Variants in CEP131 observed in about 807,000 individuals in gnomAD.
CEP131 encodes centrosomal protein of 131 kDa.
CEP131 carries 99 observed loss-of-function variants against 136.8 expected under a neutral mutation model. That is an observed-to-expected ratio of 0.72 (90% CI 0.62 to 0.86). CEP131 has a LOEUF of 0.86. CEP131 is among the 40% of genes least tolerant of loss of function. The probability of loss-of-function intolerance (pLI) is 0.00; values close to 1 mark genes in which losing one functional copy is unlikely to be tolerated. For missense variants in CEP131, 1,459 were observed against 1,463.0 expected (o/e 1.00, Z 0.04); for synonymous variants, 646 against 612.7 (o/e 1.05, Z -0.80).
At chr17:81,195,225 C>A (rs981429487) in intron 16 of CEP131, among the ~76,000 whole-genome samples, 5 of 152,240 alleles carry the variant, frequency 3.3e-5, no homozygotes, top group Non-Finnish European at 5.9e-5. Flanking sequence ...CCTGCAGAGG[C>A]CTTGCCCCAG....
Position 81,191,252 on chromosome 17 carries a change from G to A in CEP131, c.2706C>T (p.His902=). 1 of 1,613,498 alleles carries A rather than the reference G, an allele frequency of 6.2e-7. No homozygotes were observed. The highest frequency in any genetic ancestry group is 8.5e-7 in the Non-Finnish European group (1 of 1,179,974). ...GRDKEIELVI[H]RLEADMALAK... is the part of the protein sequence containing the mutation. ...CCAGCGCCATGTCGGCCTCCAGCCG[G>A]TGAATGACCAGCTCAATCTCCTTGT... Residue 902 remains histidine, a synonymous_variant, in exon 22 of 26, where the codon CAC becomes CAT. Transcript: ENST00000450824.
intron 16 of CEP131, among the ~76,000 whole-genome samples, chr17:81,195,493 T>C (rs1454800903): frequency 5.9e-5 from 9 of 151,678 alleles, no homozygotes; most frequent in Admixed American, 5.9e-4. Flanking sequence ...ACCTGGTCAG[T>C]AGAGAGAGCA....
chr17:81,203,881 A>G lies in CEP131; in HGVS notation c.516-274T>C. 2.3e-6 allele frequency: 1 copy of G among 433,880 alleles called. No homozygotes were observed. The highest frequency in any genetic ancestry group is 2.0e-5 in the African/African-American group (1 of 50,044). The allele number at this position is 433,880 out of a possible 1,614,324, so 26.9% of individuals were successfully genotyped here. A position where few individuals can be genotyped will look rare whatever the true frequency, so the allele number is the denominator to read the frequency against. On this transcript the variant is annotated intron_variant, in intron 5 of 25. Transcript: ENST00000450824. The surrounding 1 kb of genome is among the most constrained non-coding windows in gnomAD (Gnocchi z 4.6). The stretch of plus-strand genomic sequence containing the variant: ...CGCTGGACGTGCCCAAGACGGGGGG[A>G]GCAGCTCAGGCCAGCAGCTCACAAT...
At chr17:81,197,567 G>A (rs2061788497) in intron 13 of CEP131, 145 bp downstream of exon 13, 1 of 1,248,312 alleles carries the variant, frequency 8.0e-7, no homozygotes, top group South Asian at 1.6e-5. Flanking sequence ...CTCCTGCTGG[G>A]GGCCGGGTGG....
Position 81,197,052 on chromosome 17 carries a change from A to C in CEP131, c.1651T>G (p.Trp551Gly). 6.3e-7 allele frequency: 1 copy of C among 1,584,342 alleles called. No homozygotes were observed. Among genetic ancestry groups the C allele is most frequent in the Non-Finnish European group, 8.6e-7 (1 of 1,165,712 alleles). ...QDQLDSQQEG[W>G]VPEAGPGPLE... Reference sequence around the variant, plus strand: ...GGCCCCGGCCCCGCCTCCGGCACCCACCCCTGCAGACACAGCCGAGCGTCA... The same window carrying C: ...GGCCCCGGCCCCGCCTCCGGCACCCCCCCCTGCAGACACAGCCGAGCGTCA... The change falls in exon 14 of 26, where the codon TGG becomes GGG. Residue 551 changes from tryptophan (W) to glycine (G), a missense_variant. Trp to Gly is a radical substitution (Grantham distance 184). Transcript: ENST00000450824.
At chr17:81,220,583 C>T (rs1291514661) in intron 1 of CEP131, among the ~76,000 whole-genome samples, 2 of 152,158 alleles carry the variant, frequency 1.3e-5, no homozygotes, top group Non-Finnish European at 2.9e-5. Flanking sequence ...CCACCTCTGC[C>T]TCCCGGGTTC....
In CEP131 at chr17:81,199,815, G is replaced by A. The variant is rs1270860896; in HGVS notation, c.927C>T (p.Gly309=). The A allele has an allele frequency of 2.1e-5, 34 of 1,611,148 alleles. No homozygotes were observed. Among genetic ancestry groups the A allele is most frequent in the Non-Finnish European group, 2.5e-5 (30 of 1,179,918 alleles). Residue 309 remains glycine (G), a synonymous_variant, in exon 9 of 26, where the codon GGC becomes GGT. Coordinates refer to ENST00000450824, the MANE Select transcript of CEP131 (RefSeq NM_014984.4). ...AKREEQRQRS[G]EGTLLDLHQQ... ...GGTGCAGGTCCAAGAGGGTCCCCTC[G>A]CCTGACCGCTGCCGCTGCTCCTGCC... is the stretch of plus-strand genomic sequence containing the variant.
chr17:81,198,387 C>T (rs903800884), intron 11 of CEP131, 90 bp from the exon 12 acceptor site: 10 of 1,354,762 alleles, frequency 7.4e-6, no homozygotes, highest in South Asian at 4.3e-5. Context: ...GCCCCAAAGG[C>T]GCCGCGGGAG....
Position 81,208,892 on chromosome 17 carries a change from A to G in CEP131, c.272+36T>C, listed in dbSNP as rs763030874. The G allele has an allele frequency of 3.9e-6, 6 of 1,553,650 alleles. No individual in the cohort carries two copies. The African/African-American group carries it at 5.4e-5, about 14-fold the overall frequency. On this transcript the variant is annotated intron_variant, in intron 3 of 25. Transcript: ENST00000450824. The surrounding 1 kb of genome is among the most constrained non-coding windows in gnomAD (Gnocchi z 5.6). ...AGGGTGGGGCACCTGAGGTCCCGGG[A>G]AGGGGCCAGGGTTATCCAAGGGCCT...
chr17:81,208,851 C>T lies in CEP131; in HGVS notation c.272+77G>A. ...GGCTGGAGGAAGGGCAGAGCAGAGG[C>T]AGGGAGGAGCAGGCCAGGGTGGGGC... On this transcript the variant is annotated intron_variant, in intron 3 of 25. Coordinates refer to ENST00000450824, the MANE Select transcript of CEP131 (RefSeq NM_014984.4). The surrounding 1 kb of genome is among the most constrained non-coding windows in gnomAD (Gnocchi z 5.6). The T allele has an allele frequency of 2.6e-6, 3 of 1,137,470 alleles. No individual in the cohort carries two copies. The highest frequency in any genetic ancestry group is 2.4e-5 in the East Asian group (1 of 41,486). The allele number at this position is 1,137,470 out of a possible 1,614,324, so 70.5% of individuals were successfully genotyped here.
In CEP131 at chr17:81,195,062, G is replaced by C. The variant is rs1598274301; in HGVS notation, c.2017-90C>G. On this transcript the variant is annotated intron_variant, in intron 16 of 25. Transcript: ENST00000450824. ...GGGCACAGTCAGGGCCGGGCTTCCAGGTCCACCAGCACAAGGCCGGCACTC... is the reference window on the plus strand; with the variant it reads ...GGGCACAGTCAGGGCCGGGCTTCCACGTCCACCAGCACAAGGCCGGCACTC... 9.4e-6 allele frequency: 9 copies of C among 957,802 alleles called. No homozygotes were observed. In the East Asian group the frequency reaches 1.9e-4, roughly 20 times the overall value. The allele number at this position is 957,802 out of a possible 1,614,324, so 59.3% of individuals were successfully genotyped here.
chr17:81,192,899 AC>A, intron 18 of CEP131, 56 bp from the exon 19 acceptor site: 1 of 1,558,060 alleles, frequency 6.4e-7, no homozygotes, highest in Non-Finnish European at 8.6e-7. Context: ...CCCAGGACCC[AC>A]CCACCGCAGG....
chr17:81,210,895 A>G (rs76808171), intron 2 of CEP131, among the ~76,000 whole-genome samples: 2,680 of 151,542 alleles, frequency 0.018, 82 homozygotes, highest in African/African-American at 0.062. Flanking sequence ...CACCCCAATC[A>G]CTTGTTACGG....
chr17:81,202,358 T>C lies in CEP131; in HGVS notation c.670A>G (p.Ser224Gly), dbSNP rs777738751. Residue 224 changes from serine (S) to glycine (G), a missense_variant, in exon 7 of 26, where the codon AGC (serine) becomes GGC (glycine). By Grantham distance (56) the Ser-to-Gly change is moderately conservative. Coordinates refer to ENST00000450824, the MANE Select transcript of CEP131 (RefSeq NM_014984.4). ...KAATCEGSES[S>G]GFGKLPKNVS... ...TTCTTCGGCAGCTTCCCAAAGCCGCTGCTCTCACTGCCCTCACAGGTGGCT... is the reference window on the plus strand; with the variant it reads ...TTCTTCGGCAGCTTCCCAAAGCCGCCGCTCTCACTGCCCTCACAGGTGGCT... 91 of 1,613,518 alleles carry C rather than the reference T, an allele frequency of 5.6e-5. No individual in the cohort carries two copies. The Admixed American group carries it at 1.5e-3, about 27-fold the overall frequency.
At chr17:81,192,160 G>A (rs1333166850) in intron 21 of CEP131, among the ~76,000 whole-genome samples, 158 bp downstream of exon 21, 1 of 152,064 alleles carries the variant, frequency 6.6e-6, no homozygotes, top group Admixed American at 6.5e-5. Context: ...CACACTCAGC[G>A]TCAGTTCAGA....
At chr17:81,200,124 C>T (rs1212272140) in intron 8 of CEP131, 1 of 610,772 alleles carries the variant, frequency 1.6e-6, no homozygotes, top group African/African-American at 1.8e-5. Context: ...GCAGGCGTTT[C>T]CTGACACCCA....
chr17:81,197,592 C>CCT, intron 13 of CEP131, 120 bp downstream of exon 13: 1 of 1,411,496 alleles, frequency 7.1e-7, no homozygotes, highest in South Asian at 1.5e-5. Context: ...TGGCGAGAGA[C>CCT]CTCCTCCCCC....
rs1243770275 is a variant in CEP131 at position 81,192,406 on chromosome 17, A to G, written c.2548-14T>C. 1.9e-6 allele frequency: 3 copies of G among 1,610,890 alleles called. No individual in the cohort carries two copies. Among genetic ancestry groups the G allele is most frequent in the East Asian group, 2.2e-5 (1 of 44,822 alleles). Reference sequence around the variant, plus strand: ...ATTCAGCTCCATCTGGGGGGCGGACATAAGAGGCCAGTCAGTCCCACCCCG... The same window carrying G: ...ATTCAGCTCCATCTGGGGGGCGGACGTAAGAGGCCAGTCAGTCCCACCCCG... On this transcript the variant is annotated splice_polypyrimidine_tract_variant and intron_variant, in intron 20 of 25. Transcript: ENST00000450824.
chr17:81,190,709 G>T lies in CEP131; in HGVS notation c.3037C>A (p.Arg1013=), dbSNP rs755256899. 1 of 1,608,996 alleles carries T rather than the reference G, an allele frequency of 6.2e-7. No individual in the cohort carries two copies. The highest frequency in any genetic ancestry group is 1.3e-5 in the African/African-American group (1 of 74,880). The change falls in exon 24 of 26, where the codon CGG becomes AGG. Residue 1013 remains arginine (R), a synonymous_variant. Coordinates refer to ENST00000450824, the MANE Select transcript of CEP131 (RefSeq NM_014984.4). The part of the protein sequence containing the change: ...DRLAASEEET[R]QAKAELATLQ... ...GTGGCCAGCTCGGCCTTGGCCTGCC[G>T]CGTCTCCTCCTCAGAGGCTGCCAGC... is the stretch of plus-strand genomic sequence containing the variant.
Sources: allele counts gnomAD v4.1 joint callset (sites outside exome capture counted in the v4.1 genomes callset), GRCh38; gene constraint gnomAD v4.1.1; non-coding constraint Gnocchi (gnomAD v3.1); transcripts MANE v1.5; gene names NCBI Gene and HGNC (gene_info 2026-07-23, HGNC 2026-07-21).